Variants in SIDT1 observed in about 807,000 individuals in gnomAD.
The protein encoded by SIDT1 is SID1 transmembrane family, member 1.
A neutral mutation model predicts 107.5 loss-of-function variants in SIDT1; 101 were observed. The observed-to-expected ratio is 0.94, with a 90% CI of 0.80 to 1.11. The LOEUF (loss-of-function observed/expected upper bound fraction) is 1.11, where lower values mean the gene tolerates loss of function less well. Among genes scored for constraint, SIDT1 ranks in the 50% least tolerant of loss-of-function variants. SIDT1 has a pLI of 0.00. For synonymous variants in SIDT1, 395 were observed against 398.2 expected (o/e 0.99, Z 0.10); for missense variants, 1,076 against 1,058.2 (o/e 1.02, Z -0.23).
chr3:113,581,061 A>G (rs1274813155), intron 5 of SIDT1, among the ~76,000 whole-genome samples: 1 of 152,146 alleles, frequency 6.6e-6, no homozygotes, highest in Non-Finnish European at 1.5e-5. Flanking sequence ...TTTTATTGTA[A>G]CATTCGGTTC....
intron 1 of SIDT1, among the ~76,000 whole-genome samples, chr3:113,556,107 A>T (rs1940829001): frequency 6.6e-6 from 1 of 152,162 alleles, no homozygotes; most frequent in Non-Finnish European, 1.5e-5. Context: ...CGAGGGCGAG[A>T]TAATTTAAGT....
intron 18 of SIDT1, among the ~76,000 whole-genome samples, chr3:113,611,587 T>C (rs1576954309): frequency 6.6e-6 from 1 of 152,162 alleles, no homozygotes; most frequent in South Asian, 2.1e-4. Context: ...TCCCAAAGTG[T>C]TGGGATTACA....
At chr3:113,596,930 G>A (rs1288513011) in intron 10 of SIDT1, among the ~76,000 whole-genome samples, 1 of 152,158 alleles carries the variant, frequency 6.6e-6, no homozygotes, top group Non-Finnish European at 1.5e-5. Flanking sequence ...TACTGAACCA[G>A]CCTCTTAGCC....
intron 8 of SIDT1, 24 bp downstream of exon 8, chr3:113,584,793 T>C: frequency 6.8e-7 from 1 of 1,466,416 alleles, no homozygotes; most frequent in African/African-American, 1.4e-5. Flanking sequence ...CCAGAATGCA[T>C]TGAAGAGATT....
chr3:113,592,601 C>CTTTTTTTTTTTT (rs376575022), intron 9 of SIDT1: 1 of 146,752 alleles, frequency 6.8e-6, no homozygotes, highest in African/African-American at 2.6e-5. Flanking sequence ...TTTTCTTTTT[C>CTTTTTTTTTTTT]TTTTTTTTTT....
intron 1 of SIDT1, among the ~76,000 whole-genome samples, chr3:113,541,753 T>C (rs376833824): frequency 2.4e-4 from 36 of 152,230 alleles, no homozygotes; most frequent in African/African-American, 6.7e-4. Flanking sequence ...TCACATTTTT[T>C]TTCTCTGCTT....
At chr3:113,580,526 G>T (rs537642660) in intron 4 of SIDT1, 82 bp from the exon 5 acceptor site, 2 of 805,026 alleles carry the variant, frequency 2.5e-6, no homozygotes, top group South Asian at 2.9e-5. Flanking sequence ...GGAGATTTAC[G>T]TATAAATTTT....
Position 113,616,451 on chromosome 3 carries a change from G to A in SIDT1, c.2043+275G>A, listed in dbSNP as rs556297067. Among the ~76,000 whole-genome samples, 38 of 152,234 alleles carry A rather than the reference G, an allele frequency of 2.5e-4. 1 individual carries two copies. The highest frequency in any genetic ancestry group is 8.9e-4 in the African/African-American group (37 of 41,528). ...CCAACTGTTAAACAGTGATGATTAC[G>A]GACACATGGTGGGGAATAACACACA... is the stretch of plus-strand genomic sequence containing the variant. On this transcript the variant is annotated intron_variant, in intron 20 of 24. Transcript: ENST00000264852.
intron 17 of SIDT1, among the ~76,000 whole-genome samples, chr3:113,609,396 G>A (rs1945579716): frequency 6.6e-6 from 1 of 152,066 alleles, no homozygotes; most frequent in African/African-American, 2.4e-5. Flanking sequence ...CATTCTCTAA[G>A]CGCTGGTTAG....
At chr3:113,629,607 T>A (rs1164890897), downstream of SIDT1, 2 of 152,260 alleles carry the variant, frequency 1.3e-5, no homozygotes, top group African/African-American at 2.4e-5. Flanking sequence ...TTCTTTATCT[T>A]AACGCACTAT....
chr3:113,543,430 C>A (rs1939178795), intron 1 of SIDT1, among the ~76,000 whole-genome samples: 1 of 152,134 alleles, frequency 6.6e-6, no homozygotes, highest in Non-Finnish European at 1.5e-5. Context: ...TTCTCTGATC[C>A]TCAGAGCCAT....
chr3:113,592,984 T>C, intron 9 of SIDT1, 21 bp from the exon 10 acceptor site: 1 of 1,597,036 alleles, frequency 6.3e-7, no homozygotes, highest in Non-Finnish European at 8.6e-7. Flanking sequence ...CTTAGGAGCA[T>C]GTGTATGTGC....
chr3:113,585,942 T>C (rs910985876), intron 9 of SIDT1, among the ~76,000 whole-genome samples: 1 of 152,172 alleles, frequency 6.6e-6, no homozygotes, highest in Non-Finnish European at 1.5e-5. Context: ...GCATTCTCTG[T>C]GAAACAACTA....
intron 1 of SIDT1, among the ~76,000 whole-genome samples, chr3:113,552,545 T>C (rs1040813341): frequency 6.6e-6 from 1 of 152,198 alleles, no homozygotes; most frequent in South Asian, 2.1e-4. Flanking sequence ...AGTAAGTTAC[T>C]GGGCTCAGAC....
chr3:113,533,330 C>A, intron 1 of SIDT1, 87 bp downstream of exon 1: 1 of 1,051,990 alleles, frequency 9.5e-7, no homozygotes, highest in Non-Finnish European at 1.3e-6. Context: ...TGGGAATTGA[C>A]CTTGGGAGAC....
chr3:113,612,079 C>T lies in SIDT1; in HGVS notation c.1858-7C>T. The stretch of plus-strand genomic sequence containing the variant: ...CAGATGAAGGTAACTTCCATCTTTA[C>T]TCCTAGGTGTTTGGAAAAAATGACG... On this transcript the variant is annotated splice_polypyrimidine_tract_variant and splice_region_variant and intron_variant, in intron 18 of 24. Transcript: ENST00000264852. 4 of 1,608,664 alleles carry T rather than the reference C, an allele frequency of 2.5e-6. No individual in the cohort carries two copies. The highest frequency in any genetic ancestry group is 3.4e-6 in the Non-Finnish European group (4 of 1,175,212).
chr3:113,576,658 A>G (rs73854366), intron 3 of SIDT1, among the ~76,000 whole-genome samples: 3,199 of 152,302 alleles, frequency 0.021, 66 homozygotes, highest in African/African-American at 0.055. Context: ...AAACTACCTT[A>G]TATAGATATG....
intron 20 of SIDT1, among the ~76,000 whole-genome samples, chr3:113,616,522 G>A (rs1946118519): frequency 6.6e-6 from 1 of 152,010 alleles, no homozygotes; most frequent in Non-Finnish European, 1.5e-5. Context: ...ATGGGAGGAG[G>A]GAGAAGATCA....
At chr3:113,597,849 T>TCTTA (rs1212583789) in intron 10 of SIDT1, among the ~76,000 whole-genome samples, 18 of 152,206 alleles carry the variant, frequency 1.2e-4, no homozygotes, top group African/African-American at 4.1e-4. Flanking sequence ...TCTTGGTCTG[T>TCTTA]CTTATAAGCT....
Sources: gnomAD v4.1 joint callset for allele counts (sites outside exome capture counted in the v4.1 genomes callset) on GRCh38, gnomAD v4.1.1 for gene constraint, MANE v1.5 for transcripts, NCBI Gene and HGNC (gene_info 2026-07-23, HGNC 2026-07-21) for gene names.